CFAP52: variants seen among roughly 807,000 people sequenced by gnomAD.
CFAP52 encodes the protein cilia and flagella associated protein 52.
Under a neutral mutation model 70.5 loss-of-function variants are expected in CFAP52, and 57 were observed. That is an observed-to-expected ratio of 0.81 (90% confidence interval 0.65 to 1.01). The LOEUF is 1.01. Ranked by LOEUF, CFAP52 falls within the 50% of genes least tolerant of loss-of-function variation. CFAP52 has a pLI of 0.00. For missense variants in CFAP52, 785 were observed against 788.5 expected, an observed-to-expected ratio of 1.00 and a Z score of 0.05; for synonymous variants, 267 against 292.5, an observed-to-expected ratio of 0.91 and a Z score of 0.89.
chr17:9,633,217 T>G lies in CFAP52; in HGVS notation c.1320+184T>G, dbSNP rs775515100. The stretch of plus-strand genomic sequence containing the variant: ...TTCTAATATTATAAATGTATACTTA[T>G]TTTGAAATGGAGTCTCACTCTGTCA... On this transcript the variant is annotated intron_variant, in intron 10 of 13. Transcript: ENST00000352665. 7.2e-5 allele frequency among the ~76,000 whole-genome samples: 11 copies of G among 152,212 alleles called. No individual in the cohort carries two copies. In the South Asian group the frequency reaches 1.7e-3, roughly 23 times the overall value.
chr17:9,626,993 T>G (rs1910258559), intron 8 of CFAP52, among the ~76,000 whole-genome samples: 1 of 152,230 alleles, frequency 6.6e-6, no homozygotes, highest in African/African-American at 2.4e-5. Context: ...GCTAGAAATT[T>G]ATACTTATGA....
intron 5 of CFAP52, among the ~76,000 whole-genome samples, chr17:9,599,710 A>T (rs900097449): frequency 2.6e-5 from 4 of 151,484 alleles, no homozygotes; most frequent in Admixed American, 1.3e-4. Context: ...CATGGGCATC[A>T]TTCAGGGCAT....
intron 6 of CFAP52, among the ~76,000 whole-genome samples, chr17:9,602,140 T>C (rs1446666083): frequency 6.6e-6 from 1 of 152,194 alleles, no homozygotes; most frequent in East Asian, 1.9e-4. Flanking sequence ...TTTTTTATTA[T>C]TATACTTCAT....
intron 7 of CFAP52, among the ~76,000 whole-genome samples, chr17:9,610,105 T>A (rs1368814887): frequency 3.3e-5 from 5 of 151,758 alleles, no homozygotes; most frequent in Non-Finnish European, 7.4e-5. Context: ...GGGAGAGGAA[T>A]GATGAGAAAC....
At chr17:9,592,187 G>A (rs1325552179) in intron 3 of CFAP52, among the ~76,000 whole-genome samples, 2 of 152,126 alleles carry the variant, frequency 1.3e-5, no homozygotes, top group East Asian at 1.9e-4. Context: ...ACCCAGCCAG[G>A]CACGGTGGCT....
Position 9,594,212 on chromosome 17 carries a change from G to A in CFAP52, c.427G>A (p.Ala143Thr). Residue 143 changes from alanine (A) to threonine (T), a missense_variant, in exon 4 of 14, where the codon GCC becomes ACC. Coordinates refer to ENST00000352665, the MANE Select transcript of CFAP52 (RefSeq NM_145054.5). ...TGGCAGTGTGGTGGTGTGGAGCATA[G>A]CCAAGAGAGATGCCATCTGTGGCAG... The part of the protein sequence containing the change: ...DDGSVVVWSI[A>T]KRDAICGSPA... 3 of 1,613,314 alleles carry A rather than the reference G, an allele frequency of 1.9e-6. No individual in the cohort carries two copies. Among genetic ancestry groups the A allele is most frequent in the Non-Finnish European group, 2.5e-6 (3 of 1,179,734 alleles).
At chr17:9,643,485 C>T (rs965247887), downstream of CFAP52, 4 of 257,716 alleles carry the variant, frequency 1.6e-5, no homozygotes, top group Non-Finnish European at 2.9e-5. Flanking sequence ...TCTGCAAAAC[C>T]CACAGACCTT....
chr17:9,608,677 C>T (rs1909601344), intron 7 of CFAP52, among the ~76,000 whole-genome samples: 1 of 152,142 alleles, frequency 6.6e-6, no homozygotes, highest in Admixed American at 6.5e-5. Flanking sequence ...ATTCACCAGC[C>T]ATTTCTATAT....
intron 12 of CFAP52, among the ~76,000 whole-genome samples, chr17:9,640,238 T>C (rs1387097197): frequency 6.6e-6 from 1 of 151,578 alleles, no homozygotes; most frequent in Non-Finnish European, 1.5e-5. Context: ...TTTTTTTTTT[T>C]TTTTTCAACT....
chr17:9,627,576 T>C (rs1162279427), intron 8 of CFAP52, among the ~76,000 whole-genome samples: 1 of 152,232 alleles, frequency 6.6e-6, no homozygotes, highest in Non-Finnish European at 1.5e-5. Context: ...TTATTCTCTC[T>C]TAATACAAGC....
chr17:9,636,246 A>AGAAG (rs1403518618), intron 11 of CFAP52, among the ~76,000 whole-genome samples: 2 of 118,504 alleles, frequency 1.7e-5, no homozygotes, highest in East Asian at 1.2e-3. Context: ...AAAGAAAGAA[A>AGAAG]GAAAGAGAAA....
intron 3 of CFAP52, among the ~76,000 whole-genome samples, chr17:9,591,537 G>A (rs1230733525): frequency 6.6e-6 from 1 of 152,056 alleles, no homozygotes; most frequent in Non-Finnish European, 1.5e-5. Flanking sequence ...AATCTATTTG[G>A]CCAGATCTCT....
In CFAP52 at chr17:9,612,389, C is replaced by T. The variant is rs201352201; in HGVS notation, c.935C>T (p.Ser312Leu). ...CAGTTTCTCGTAGGAACAGAAGAAT[C>T]GCACATTTATCGTGTCAGCTTCACG... ...GHQFLVGTEE[S>L]HIYRVSFTDF... is the part of the protein sequence containing the mutation. The change falls in exon 8 of 14, where the codon TCG becomes TTG. Residue 312 changes from serine to leucine, a missense_variant. Coordinates refer to ENST00000352665, the MANE Select transcript of CFAP52 (RefSeq NM_145054.5). 88 of 1,614,192 alleles carry T rather than the reference C, an allele frequency of 5.5e-5. No individual in the cohort carries two copies. Among genetic ancestry groups the T allele is most frequent in the African/African-American group, 9.3e-5 (7 of 75,054 alleles).
At chr17:9,633,675 CTTT>C (rs555923244) in intron 10 of CFAP52, among the ~76,000 whole-genome samples, 2 of 138,528 alleles carry the variant, frequency 1.4e-5, no homozygotes, top group African/African-American at 2.6e-5. Context: ...GTCATCTTAT[CTTT>C]TTTTTTTTTT....
chr17:9,613,862 C>T (rs988920632), intron 8 of CFAP52, among the ~76,000 whole-genome samples: 3 of 151,126 alleles, frequency 2.0e-5, no homozygotes, highest in East Asian at 2.0e-4. Context: ...TTTCCGTTCC[C>T]TGAATCCCTG....
At chr17:9,588,379 G>C (rs948755609) in intron 3 of CFAP52, among the ~76,000 whole-genome samples, 1 of 152,186 alleles carries the variant, frequency 6.6e-6, no homozygotes, top group African/African-American at 2.4e-5. Flanking sequence ...CGTGCCCAGA[G>C]AGACAAAGAG....
intron 6 of CFAP52, among the ~76,000 whole-genome samples, chr17:9,607,792 G>C (rs1205581832): frequency 6.6e-6 from 1 of 152,072 alleles, no homozygotes; most frequent in Non-Finnish European, 1.5e-5. Flanking sequence ...GGATGGTGAA[G>C]CCTGTTTGCA....
rs904633446 is a variant in CFAP52, at chr17:9,628,771, G to C, written c.1125G>C (p.Met375Ile). The C allele has an allele frequency of 1.2e-6, 2 of 1,613,980 alleles. No individual in the cohort carries two copies. The highest frequency in any genetic ancestry group is 1.3e-5 in the African/African-American group (1 of 74,906). Residue 375 changes from methionine (M) to isoleucine (I), a missense_variant, in exon 9 of 14, where the codon ATG becomes ATC. Met to Ile is a conservative substitution (Grantham distance 10, BLOSUM62 1). Transcript: ENST00000352665. ...TGCTGCGGATCACCGTGCCCAACAT[G>C]ACCTGCCACGGCATCGACTTCATGA... ...RELLRITVPNMTCHGIDFMRD... is the reference protein window; with the variant it reads ...RELLRITVPNITCHGIDFMRD...
At chr17:9,584,691 G>A (rs553748132) in intron 1 of CFAP52, among the ~76,000 whole-genome samples, 2 of 150,942 alleles carry the variant, frequency 1.3e-5, no homozygotes, top group African/African-American at 4.9e-5. Context: ...GTGTGATCTC[G>A]GCTCACTGCA....
Sources: gnomAD v4.1 joint callset for allele counts (sites outside exome capture counted in the v4.1 genomes callset) on GRCh38, gnomAD v4.1.1 for gene constraint, MANE v1.5 for transcripts, NCBI Gene and HGNC (gene_info 2026-07-23, HGNC 2026-07-21) for gene names.